SPATS2: variants seen among roughly 807,000 people sequenced by gnomAD.
SPATS2 encodes spermatogenesis associated serine rich 2, also known as spermatogenesis-associated serine-rich protein 2.
In SPATS2, 38 loss-of-function variants were observed where a neutral mutation model predicts 63.7. The observed-to-expected ratio is 0.60, with a 90% confidence interval of 0.46 to 0.78. The LOEUF (loss-of-function observed/expected upper bound fraction) is 0.78. SPATS2 is among the 30% of genes least tolerant of loss of function. The pLI, the probability that SPATS2 is intolerant of heterozygous loss-of-function variation, is 0.00. For missense variants in SPATS2, 588 were observed against 666.2 expected (o/e 0.88, Z 1.29); for synonymous variants, 207 against 232.9 (o/e 0.89, Z 1.01).
intron 2 of SPATS2, among the ~76,000 whole-genome samples, chr12:49,392,778 G>A (rs1944440875): frequency 6.6e-6 from 1 of 151,860 alleles, no homozygotes; most frequent in Non-Finnish European, 1.5e-5. Flanking sequence ...TAGGCCGGGC[G>A]CGATGGCTCA....
At chr12:49,462,371 C>T (rs1945836596) in intron 3 of SPATS2, 1 of 702,390 alleles carries the variant, frequency 1.4e-6, no homozygotes, top group East Asian at 2.7e-5. Context: ...TCTGTGTGGG[C>T]CCCGTGGCAG....
intron 2 of SPATS2, among the ~76,000 whole-genome samples, chr12:49,433,525 A>G (rs999210063): frequency 2.0e-5 from 3 of 152,170 alleles, no homozygotes; most frequent in Admixed American, 2.0e-4. Flanking sequence ...TTTGATTTGC[A>G]TTTCTCTAAT....
At chr12:49,452,879 C>A (rs566005612) in intron 2 of SPATS2, among the ~76,000 whole-genome samples, 1 of 151,540 alleles carries the variant, frequency 6.6e-6, no homozygotes, top group Admixed American at 6.6e-5. Flanking sequence ...ATTTGGAGGC[C>A]GGGCGCAGTG....
chr12:49,489,677 C>A, intron 5 of SPATS2, 104 bp downstream of exon 5: 3 of 889,512 alleles, frequency 3.4e-6, no homozygotes, highest in African/African-American at 1.7e-5. Context: ...GATGATAGAG[C>A]AGACCCCATG....
intron 2 of SPATS2, among the ~76,000 whole-genome samples, chr12:49,388,944 T>C (rs552558961): frequency 1.3e-5 from 2 of 152,112 alleles, no homozygotes; most frequent in Non-Finnish European, 1.5e-5. Flanking sequence ...TCCTCTCACA[T>C]TGGCCTACGA....
intron 2 of SPATS2, among the ~76,000 whole-genome samples, chr12:49,409,367 AC>A (rs755106010): frequency 2.0e-4 from 31 of 151,650 alleles, no homozygotes; most frequent in Non-Finnish European, 4.0e-4. Flanking sequence ...GTGCAGTGTC[AC>A]GATCTCGGCT....
chr12:49,376,054 T>A (rs2137159134), intron 2 of SPATS2, among the ~76,000 whole-genome samples: 1 of 149,800 alleles, frequency 6.7e-6, no homozygotes, highest in East Asian at 2.0e-4. Context: ...CCTCCCAAAA[T>A]GCTTGGATTA....
At chr12:49,372,160 C>T (rs1944009416) in intron 2 of SPATS2, among the ~76,000 whole-genome samples, 2 of 152,088 alleles carry the variant, frequency 1.3e-5, no homozygotes, top group African/African-American at 2.4e-5. Flanking sequence ...ATTTTCCTGC[C>T]TCAGCCTCCA....
At chr12:49,483,285 C>T (rs1342203081) in intron 3 of SPATS2, among the ~76,000 whole-genome samples, 1 of 151,672 alleles carries the variant, frequency 6.6e-6, no homozygotes, top group East Asian at 1.9e-4. Context: ...TCCCACTGCT[C>T]ATTAATACCT....
intron 9 of SPATS2, among the ~76,000 whole-genome samples, chr12:49,514,030 G>C (rs1256142531): frequency 1.3e-5 from 2 of 151,914 alleles, no homozygotes; most frequent in African/African-American, 4.8e-5. Context: ...GGTGGCGGGC[G>C]CCTGTAGTCC....
intron 2 of SPATS2, among the ~76,000 whole-genome samples, chr12:49,411,409 C>T (rs1327140498): frequency 2.6e-5 from 4 of 151,962 alleles, no homozygotes; most frequent in African/African-American, 9.7e-5. Context: ...TGTGAAGAGA[C>T]TTGATTGAAA....
chr12:49,411,775 G>C (rs1270806594), intron 2 of SPATS2, among the ~76,000 whole-genome samples: 1 of 152,164 alleles, frequency 6.6e-6, no homozygotes, highest in Non-Finnish European at 1.5e-5. Context: ...TTTTCTTTCA[G>C]AGGTAAGTTA....
chr12:49,367,556 G>C lies in SPATS2; in HGVS notation c.-338G>C. The C allele has an allele frequency of 2.5e-6, 1 of 398,432 alleles. No individual in the cohort carries two copies. The highest frequency in any genetic ancestry group is 4.4e-6 in the Non-Finnish European group (1 of 226,162). 24.7% of individuals were successfully genotyped at this position (398,432 alleles called of 1,614,324 possible). On this transcript the variant is annotated 5_prime_UTR_variant, in exon 1 of 14. Transcript: ENST00000552918. ...TCCGGGACGCGGAGCCCGGAGCTGG[G>C]GCGACGAGGCGATTGCGGGGGCCTG...
At position 49,424,350 on chromosome 12, in the gene SPATS2, C is replaced by T. The variant is rs117042318; in HGVS notation, c.-243-36420C>T. On this transcript the variant is annotated intron_variant, in intron 2 of 13. Coordinates refer to ENST00000552918, the MANE Select transcript of SPATS2 (RefSeq NM_023071.4). ...CATCTGTGATATTAACCAGAACATA[C>T]CTGCATAGGGAACCATGGTGCCCTT... is the stretch of plus-strand genomic sequence containing the variant. 6.2e-3 allele frequency among the ~76,000 whole-genome samples: 943 copies of T among 152,296 alleles called. 1 individual carries two copies. Among genetic ancestry groups the T allele is most frequent in the Non-Finnish European group, 0.011 (725 of 68,026 alleles).
intron 2 of SPATS2, among the ~76,000 whole-genome samples, chr12:49,382,999 C>T (rs1044493417): frequency 2.6e-5 from 4 of 151,602 alleles, no homozygotes; most frequent in Non-Finnish European, 5.9e-5. Flanking sequence ...GCCACTGCGC[C>T]CGGCCTTTTA....
intron 2 of SPATS2, among the ~76,000 whole-genome samples, chr12:49,375,973 CT>C (rs1050785980): frequency 6.6e-6 from 1 of 151,478 alleles, no homozygotes; most frequent in Non-Finnish European, 1.5e-5. Context: ...TCTGGTACTG[CT>C]AATTTTTAAA....
At position 49,493,664 on chromosome 12, in the gene SPATS2, A is replaced by C. The variant is rs112182315; in HGVS notation, c.265-1077A>C. On this transcript the variant is annotated intron_variant, in intron 6 of 13. Coordinates refer to ENST00000552918, the MANE Select transcript of SPATS2 (RefSeq NM_023071.4). The stretch of plus-strand genomic sequence containing the variant: ...GTGATCCACCTACCTTGGCCTCCCA[A>C]AGTGTTGGGATTACAGGCATGAGCC... 7.5e-3 allele frequency among the ~76,000 whole-genome samples: 1,137 copies of C among 152,204 alleles called. 10 individuals are homozygous for C. Among genetic ancestry groups the C allele is most frequent in the African/African-American group, 0.026 (1,070 of 41,526 alleles).
intron 3 of SPATS2, among the ~76,000 whole-genome samples, chr12:49,464,750 G>A (rs1438462030): frequency 3.3e-5 from 5 of 151,846 alleles, no homozygotes; most frequent in Admixed American, 3.3e-4. Flanking sequence ...GATTACTTGA[G>A]CCCAGGAATT....
rs1393817566 is a variant in SPATS2 at position 49,459,577 on chromosome 12, A to G, written c.-243-1193A>G. ...TGGTCCGGCTGGTCTTGAACTCCCA[A>G]CCTCAGGTGATCTGCCTGCCTTGGC... is the stretch of plus-strand genomic sequence containing the variant. On this transcript the variant is annotated intron_variant, in intron 2 of 13. Coordinates refer to ENST00000552918, the MANE Select transcript of SPATS2 (RefSeq NM_023071.4). Among the ~76,000 whole-genome samples the G allele has an allele frequency of 2.0e-5, 3 of 151,366 alleles. No individual in the cohort carries two copies. In the East Asian group the frequency reaches 5.9e-4, roughly 30 times the overall value.
Sources: allele counts gnomAD v4.1 joint callset (sites outside exome capture counted in the v4.1 genomes callset), GRCh38; gene constraint gnomAD v4.1.1; transcripts MANE v1.5; gene names NCBI Gene and HGNC (gene_info 2026-07-23, HGNC 2026-07-21).